PDE3A: variants seen among roughly 807,000 people sequenced by gnomAD.
The protein encoded by PDE3A is cGMP-inhibited 3',5'-cyclic phosphodiesterase 3A.
A neutral mutation model predicts 98.3 loss-of-function variants in PDE3A; 43 were observed. The ratio of observed to expected loss-of-function variants is 0.44; its 90% CI spans 0.34 to 0.56. PDE3A has a LOEUF of 0.56. Among genes scored for constraint, PDE3A ranks in the 20% least tolerant of loss-of-function variants. PDE3A has a pLI of 0.01. For missense variants in PDE3A, 1,427 were observed against 1,440.7 expected, an observed-to-expected ratio of 0.99 and a Z score of 0.15; for synonymous variants, 663 against 567.9, an observed-to-expected ratio of 1.17 and a Z score of -2.38.
intron 2 of PDE3A, among the ~76,000 whole-genome samples, chr12:20,579,067 C>G (rs758804076): frequency 6.6e-6 from 1 of 152,012 alleles, no homozygotes. Flanking sequence ...CTTCTCACTC[C>G]CAATTTAGGT....
At chr12:20,518,777 A>T (rs566031010) in intron 1 of PDE3A, among the ~76,000 whole-genome samples, 13 of 152,268 alleles carry the variant, frequency 8.5e-5, no homozygotes, top group African/African-American at 2.6e-4. Flanking sequence ...AGATTTTTTT[A>T]AAAAAGACTT....
Position 20,552,593 on chromosome 12 carries a change from G to C in PDE3A, c.961-4067G>C. 6.2e-7 allele frequency: 1 copy of C among 1,613,802 alleles called. No individual in the cohort carries two copies. Among genetic ancestry groups the C allele is most frequent in the Non-Finnish European group, 8.5e-7 (1 of 1,179,838 alleles). On this transcript the variant is annotated intron_variant, in intron 1 of 15. Transcript: ENST00000359062. This position sits in a 1 kb window ranked among gnomAD's most constrained non-coding sequence, Gnocchi z 5.1. Reference sequence around the variant, plus strand: ...TGGAAGCGGAAGTCGGCAGGAGGTGGCCCGAGCAGGGCCGGGTCCCCGCGC... The same window carrying C: ...TGGAAGCGGAAGTCGGCAGGAGGTGCCCCGAGCAGGGCCGGGTCCCCGCGC...
chr12:20,466,136 C>G (rs1187698685), intron 1 of PDE3A, among the ~76,000 whole-genome samples: 1 of 152,130 alleles, frequency 6.6e-6, no homozygotes, highest in African/African-American at 2.4e-5. Context: ...AGGCCCCACC[C>G]TTTGTCCAGT....
intron 10 of PDE3A, among the ~76,000 whole-genome samples, chr12:20,641,021 A>G (rs1365541929): frequency 1.3e-5 from 2 of 152,176 alleles, no homozygotes; most frequent in Non-Finnish European, 2.9e-5. Context: ...TTACATTAAA[A>G]AATAATTAAT....
intron 2 of PDE3A, among the ~76,000 whole-genome samples, chr12:20,600,400 C>T (rs1373775044): frequency 6.6e-6 from 1 of 152,174 alleles, no homozygotes; most frequent in African/African-American, 2.4e-5. Flanking sequence ...TGCCAGTATT[C>T]TACAGGACTT....
chr12:20,685,230 C>G lies in PDE3A; in HGVS notation c.*4959C>G, dbSNP rs7305718. On this transcript the variant is annotated 3_prime_UTR_variant, in exon 16 of 16. Coordinates refer to ENST00000359062, the MANE Select transcript of PDE3A (RefSeq NM_000921.5). ...GAGTTCGACACCAGCCTGACCAACA[C>G]GGAGAAACCCCGTCTTTACTAAAAA... Among the ~76,000 whole-genome samples, 1 of 151,586 alleles carries G rather than the reference C, an allele frequency of 6.6e-6. No homozygotes were observed. Among genetic ancestry groups the G allele is most frequent in the East Asian group, 2.0e-4 (1 of 5,118 alleles).
At position 20,587,763 on chromosome 12, in the gene PDE3A, C is replaced by A. The variant is rs1162058405; in HGVS notation, c.1012-25680C>A. Among the ~76,000 whole-genome samples the A allele has an allele frequency of 2.6e-5, 4 of 152,178 alleles. No homozygotes were observed. In the East Asian group the frequency reaches 7.7e-4, roughly 29 times the overall value. ...CAGACCTGTTCCCAGCATTTTAACACTAGGTGTTTATTTACAGTGATCAAA... is the reference window on the plus strand; with the variant it reads ...CAGACCTGTTCCCAGCATTTTAACAATAGGTGTTTATTTACAGTGATCAAA... On this transcript the variant is annotated intron_variant, in intron 2 of 15. Coordinates refer to ENST00000359062, the MANE Select transcript of PDE3A (RefSeq NM_000921.5).
chr12:20,525,307 G>A (rs1248511420), intron 1 of PDE3A, among the ~76,000 whole-genome samples: 2 of 152,102 alleles, frequency 1.3e-5, no homozygotes, highest in Non-Finnish European at 2.9e-5. Flanking sequence ...AGTCATCATC[G>A]TTTACTATTC....
chr12:20,671,625 A>G (rs1945484545), intron 15 of PDE3A, among the ~76,000 whole-genome samples: 1 of 151,246 alleles, frequency 6.6e-6, no homozygotes, highest in African/African-American at 2.4e-5. Flanking sequence ...TAGATGCAGA[A>G]AAAGCCTTTG....
intron 1 of PDE3A, among the ~76,000 whole-genome samples, chr12:20,412,462 T>C (rs1240459691): frequency 6.6e-6 from 1 of 152,188 alleles, no homozygotes; most frequent in African/African-American, 2.4e-5. Context: ...ATTTAATCTA[T>C]ATTTTGTCTA....
chr12:20,555,015 A>T (rs1942330862), intron 1 of PDE3A, among the ~76,000 whole-genome samples: 1 of 151,554 alleles, frequency 6.6e-6, no homozygotes, highest in African/African-American at 2.4e-5. Flanking sequence ...CACTTGTAAC[A>T]TTTTCTAATG....
intron 2 of PDE3A, among the ~76,000 whole-genome samples, chr12:20,597,477 G>T (rs1267923174): frequency 6.6e-6 from 1 of 152,108 alleles, no homozygotes; most frequent in Non-Finnish European, 1.5e-5. Context: ...CTCTTTTCTG[G>T]ATAATAGGCT....
At chr12:20,429,174 A>G (rs1400924182) in intron 1 of PDE3A, among the ~76,000 whole-genome samples, 1 of 152,224 alleles carries the variant, frequency 6.6e-6, no homozygotes, top group African/African-American at 2.4e-5. Flanking sequence ...CGATGTGAAG[A>G]TGAAATACAT....
intron 1 of PDE3A, among the ~76,000 whole-genome samples, chr12:20,428,294 T>G (rs1179130183): frequency 6.6e-6 from 1 of 152,150 alleles, no homozygotes; most frequent in Admixed American, 6.5e-5. Context: ...GTAGTAGTAT[T>G]TTTGAGACGG....
chr12:20,396,196 T>G (rs975548882), intron 1 of PDE3A, among the ~76,000 whole-genome samples: 5 of 152,202 alleles, frequency 3.3e-5, no homozygotes, highest in African/African-American at 1.2e-4. Context: ...ATATAATCGT[T>G]AAAACATTCC....
intron 1 of PDE3A, among the ~76,000 whole-genome samples, chr12:20,426,641 A>C (rs7488772): frequency 0.21 from 31,570 of 152,130 alleles, 3,429 homozygotes; most frequent in Non-Finnish European, 0.22. Context: ...ACTATTTATA[A>C]GGTTGTCATT....
intron 1 of PDE3A, among the ~76,000 whole-genome samples, chr12:20,495,636 G>C (rs138110169): frequency 1.3e-5 from 2 of 151,554 alleles, no homozygotes; most frequent in African/African-American, 2.4e-5. Flanking sequence ...TGTTGTTTTC[G>C]ACTTTTCCCT....
chr12:20,550,799 A>G (rs1371615006), intron 1 of PDE3A, among the ~76,000 whole-genome samples: 1 of 151,954 alleles, frequency 6.6e-6, no homozygotes, highest in Non-Finnish European at 1.5e-5. Context: ...AACATTTCAC[A>G]TGTTCTTTTT....
At chr12:20,402,701 T>C (rs1411725356) in intron 1 of PDE3A, among the ~76,000 whole-genome samples, 1 of 152,210 alleles carries the variant, frequency 6.6e-6, no homozygotes, top group African/African-American at 2.4e-5. Context: ...GACTTCTTTT[T>C]GTAAAATATA....
Sources: gnomAD v4.1 joint callset for allele counts (sites outside exome capture counted in the v4.1 genomes callset) on GRCh38, gnomAD v4.1.1 for gene constraint, Gnocchi (gnomAD v3.1) non-coding constraint, MANE v1.5 for transcripts, NCBI Gene and HGNC (gene_info 2026-07-23, HGNC 2026-07-21) for gene names.